Variants in LSR observed in about 807,000 individuals in gnomAD.
LSR encodes lipolysis-stimulated lipoprotein receptor.
A neutral mutation model predicts 61.8 loss-of-function variants in LSR; 44 were observed. The ratio of observed to expected loss-of-function variants is 0.71; its 90% CI spans 0.56 to 0.91. LSR has a LOEUF of 0.91. LSR is among the 40% of genes least tolerant of loss of function. The pLI, the probability that LSR is intolerant of heterozygous loss-of-function variation, is 0.00. For synonymous variants in LSR, 397 were observed against 350.6 expected, an observed-to-expected ratio of 1.13 and a Z score of -1.48; for missense variants, 911 against 830.5, an observed-to-expected ratio of 1.10 and a Z score of -1.19.
chr19:35,260,432 C>T (rs897687517), intron 3 of LSR, among the ~76,000 whole-genome samples: 2 of 151,374 alleles, frequency 1.3e-5, no homozygotes, highest in African/African-American at 2.4e-5. Flanking sequence ...GCTGGGACTA[C>T]AGGCACCCGC....
At chr19:35,266,650 C>T (rs764695436) in intron 6 of LSR, 29 bp from the exon 7 acceptor site, 129 of 1,600,366 alleles carry the variant, frequency 8.1e-5, no homozygotes, top group South Asian at 3.8e-4. Context: ...GCTCCTGGTG[C>T]GCGGCCACTG....
rs760953725 is a variant in LSR, at chr19:35,266,427, C to T, written c.847C>T (p.Leu283=). ...TTATGCCCCCAGCACCTATGCCCACCTGTCTCCCGCCAAGACCCCACCCCC... is the reference window on the plus strand; with the variant it reads ...TTATGCCCCCAGCACCTATGCCCACTTGTCTCCCGCCAAGACCCCACCCCC... ...SIYAPSTYAH[L]SPAKTPPPPA... is the part of the protein sequence containing the mutation. The change falls in exon 6 of 10, where the codon CTG becomes TTG. Residue 283 remains leucine, a synonymous_variant. Transcript: ENST00000605618. 1.1e-5 allele frequency: 18 copies of T among 1,612,190 alleles called. No homozygotes were observed. The highest frequency in any genetic ancestry group is 1.1e-4 in the African/African-American group (8 of 74,912).
At position 35,256,106 on chromosome 19, in the gene LSR, C is replaced by T. The variant is rs139489463; in HGVS notation, c.455-2839C>T. On this transcript the variant is annotated intron_variant, in intron 2 of 9. Coordinates refer to ENST00000605618, the MANE Select transcript of LSR (RefSeq NM_205834.4). ...AAAATTAGCCAGTTATGTTGGCAGG[C>T]GCCTATAATCCCAGCTACTCAAGAG... 8.2e-3 allele frequency among the ~76,000 whole-genome samples: 1,249 copies of T among 152,074 alleles called. 17 individuals carry two copies. The highest frequency in any genetic ancestry group is 0.028 in the African/African-American group (1,157 of 41,460).
At chr19:35,253,539 G>C (rs1403839209) in intron 2 of LSR, 1 of 152,370 alleles carries the variant, frequency 6.6e-6, no homozygotes, top group Non-Finnish European at 1.5e-5. Flanking sequence ...ATGGGGCAGA[G>C]CGGGGAAGGG....
intron 5 of LSR, among the ~76,000 whole-genome samples, chr19:35,265,890 T>G (rs568761223): frequency 1.3e-5 from 2 of 152,310 alleles, no homozygotes; most frequent in South Asian, 4.1e-4. Flanking sequence ...AGAGGATACT[T>G]GATTTCGGCT....
rs1314680422 is a variant in LSR, at chr19:35,267,645, G to A, written c.1681G>A (p.Glu561Lys). Residue 561 changes from glutamate (E) to lysine (K), a missense_variant, in exon 9 of 10, where the codon GAG becomes AAG. By Grantham distance (56) the Glu-to-Lys change is moderately conservative. Coordinates refer to ENST00000605618, the MANE Select transcript of LSR (RefSeq NM_205834.4). ...GGAGGAGAGGAGGAGACCCCACAAG[G>A]AGGAGGAGGAAGAGGCCTACTACCC... ...GSEERRRPHKEEEEEAYYPPA... is the reference protein window; with the variant it reads ...GSEERRRPHKKEEEEAYYPPA... The A allele has an allele frequency of 5.0e-6, 8 of 1,609,698 alleles. No individual in the cohort carries two copies. Among genetic ancestry groups the A allele is most frequent in the Non-Finnish European group, 6.8e-6 (8 of 1,178,392 alleles).
At position 35,267,289 on chromosome 19, in the gene LSR, G is replaced by C. The variant is rs767547293; in HGVS notation, c.1325G>C (p.Arg442Pro). The C allele has an allele frequency of 3.9e-6, 6 of 1,523,730 alleles. No homozygotes were observed. In the Admixed American group the frequency reaches 1.2e-4, roughly 31 times the overall value. 94.4% of individuals were successfully genotyped at this position (1,523,730 alleles called of 1,614,324 possible). The change falls in exon 9 of 10, where the codon CGG becomes CCG. Residue 442 changes from arginine to proline, a missense_variant. Arg to Pro is a moderately radical substitution (Grantham distance 103, BLOSUM62 -2). Coordinates refer to ENST00000605618, the MANE Select transcript of LSR (RefSeq NM_205834.4). ...AGGGWRARRP[R>P]ARSVDALDDL... ...GGGGGCTGGCGGGCCAGGCGGCCCC[G>C]GGCCCGCTCCGTGGACGCCCTGGAC...
chr19:35,255,220 G>A (rs963206434), intron 2 of LSR, among the ~76,000 whole-genome samples: 14 of 152,104 alleles, frequency 9.2e-5, no homozygotes, highest in African/African-American at 3.1e-4. Flanking sequence ...CTGCTACTCT[G>A]GAGATGGGAA....
At position 35,267,372 on chromosome 19, in the gene LSR, G is replaced by GTGA. The variant is rs1568449566; in HGVS notation, c.1408_1409insTGA (p.Gly470delinsValArg). 15 of 1,593,594 alleles carry GTGA rather than the reference G, an allele frequency of 9.4e-6. No individual in the cohort carries two copies. Among genetic ancestry groups the GTGA allele is most frequent in the Non-Finnish European group, 1.3e-5 (15 of 1,171,014 alleles). The stretch of plus-strand genomic sequence containing the variant: ...GAGCAGGTCTCCCACGAGTAATGGT[G>GTGA]GGAGAAGCCGGGCCTACATGCCCCC... On this transcript the variant is annotated protein_altering_variant, in exon 9 of 10. Transcript: ENST00000605618.
At chr19:35,252,118 G>C (rs140430872) in intron 2 of LSR, among the ~76,000 whole-genome samples, 14 of 151,780 alleles carry the variant, frequency 9.2e-5, no homozygotes, top group Non-Finnish European at 1.6e-4. Flanking sequence ...ACAGGCGTGA[G>C]CCACCGCGCC....
Position 35,259,082 on chromosome 19 carries a change from G to T in LSR, c.574+18G>T, listed in dbSNP as rs1454151724. The T allele has an allele frequency of 6.2e-7, 1 of 1,609,012 alleles. No homozygotes were observed. Among genetic ancestry groups the T allele is most frequent in the Non-Finnish European group, 8.5e-7 (1 of 1,176,798 alleles). On this transcript the variant is annotated intron_variant, in intron 3 of 9. Transcript: ENST00000605618. ...CGTCCTTGGTGAGTGGGCCTGGGAA[G>T]GGGGAGGCATGGCCCTTCCTTTTGT...
intron 2 of LSR, among the ~76,000 whole-genome samples, chr19:35,250,996 A>G (rs1283935640): frequency 6.6e-6 from 1 of 152,022 alleles, no homozygotes; most frequent in Non-Finnish European, 1.5e-5. Context: ...GGGTTTCACC[A>G]TGTTGGCCAG....
rs1206952422 is a variant in LSR at position 35,267,548 on chromosome 19, C to T, written c.1584C>T (p.Asp528=). The T allele has an allele frequency of 6.2e-7, 1 of 1,612,286 alleles. No homozygotes were observed. ...SHHHRTRDPR[D]NGSRSGDLPY... ...ACCACCGTACCCGGGACCCTCGGGA[C>T]AACGGCTCCAGGTCCGGGGACCTCC... Residue 528 remains aspartate, a synonymous_variant, in exon 9 of 10, where the codon GAC becomes GAT. Coordinates refer to ENST00000605618, the MANE Select transcript of LSR (RefSeq NM_205834.4).
At chr19:35,253,962 T>A (rs1259044608) in intron 2 of LSR, among the ~76,000 whole-genome samples, 2 of 151,436 alleles carry the variant, frequency 1.3e-5, no homozygotes, top group South Asian at 4.2e-4. Context: ...CTGTGTTTGA[T>A]CAAGGCCCTG....
At chr19:35,250,228 AGT>A in intron 1 of LSR, 85 bp from the exon 2 acceptor site, 1 of 833,032 alleles carries the variant, frequency 1.2e-6, no homozygotes, top group Non-Finnish European at 1.9e-6. Context: ...CATACTTGCG[AGT>A]GTCAAGCTGG....
intron 5 of LSR, among the ~76,000 whole-genome samples, chr19:35,263,296 A>G (rs1442851747): frequency 6.6e-6 from 1 of 152,130 alleles, no homozygotes; most frequent in Non-Finnish European, 1.5e-5. Flanking sequence ...AAAAAGAAAA[A>G]AAAATGTTAA....
chr19:35,262,000 G>A lies in LSR; in HGVS notation c.631+19G>A. 5 of 1,522,292 alleles carry A rather than the reference G, an allele frequency of 3.3e-6. No individual in the cohort carries two copies. The highest frequency in any genetic ancestry group is 4.4e-6 in the Non-Finnish European group (5 of 1,146,182). The allele number at this position is 1,522,292 out of a possible 1,614,324, so 94.3% of individuals were successfully genotyped here. A position where few individuals can be genotyped will look rare whatever the true frequency, so the allele number is the denominator to read the frequency against. On this transcript the variant is annotated intron_variant, in intron 4 of 9. Coordinates refer to ENST00000605618, the MANE Select transcript of LSR (RefSeq NM_205834.4). ...ATAGAAGGTACGGGGGGTGGATCCTGAGTTGGGCTTCTCGGGAGCTCCCAT... is the reference window on the plus strand; with the variant it reads ...ATAGAAGGTACGGGGGGTGGATCCTAAGTTGGGCTTCTCGGGAGCTCCCAT...
chr19:35,252,648 CAAAAAAAAAAA>C (rs57052855), intron 2 of LSR, among the ~76,000 whole-genome samples: 1 of 74,768 alleles, frequency 1.3e-5, no homozygotes, highest in Non-Finnish European at 2.6e-5. Flanking sequence ...GACTCTGTCT[CAAAAAAAAAAA>C]AAAAAAAAAA....
At chr19:35,262,341 CTG>C (rs1350274794) in intron 4 of LSR, among the ~76,000 whole-genome samples, 21 of 152,136 alleles carry the variant, frequency 1.4e-4, no homozygotes, top group Admixed American at 1.3e-3. Flanking sequence ...AGGGCCGTAA[CTG>C]GGGAATGGCC....
Sources: gnomAD v4.1 joint callset for allele counts (sites outside exome capture counted in the v4.1 genomes callset) on GRCh38, gnomAD v4.1.1 for gene constraint, MANE v1.5 for transcripts, NCBI Gene and HGNC (gene_info 2026-07-23, HGNC 2026-07-21) for gene names.